AKAP8: variants seen among roughly 807,000 people sequenced by gnomAD.
AKAP8 encodes A-kinase anchor protein 8.
AKAP8 carries 24 observed loss-of-function variants against 67.5 expected under a neutral mutation model. The observed-to-expected ratio is 0.36, with a 90% CI of 0.26 to 0.50. The LOEUF is 0.50. Ranked by LOEUF, AKAP8 falls within the 20% of genes least tolerant of loss-of-function variation. The probability of loss-of-function intolerance (pLI) is 0.97; values close to 1 mark genes in which losing one functional copy is unlikely to be tolerated. For missense variants in AKAP8, 971 were observed against 955.9 expected, an observed-to-expected ratio of 1.02 and a Z score of -0.21; for synonymous variants, 400 against 371.1, an observed-to-expected ratio of 1.08 and a Z score of -0.90.
intron 8 of AKAP8, chr19:15,368,575 C>T: frequency 1.0e-6 from 1 of 985,272 alleles, no homozygotes; most frequent in Non-Finnish European, 1.2e-6. Context: ...AGGGACACAG[C>T]CTGCCCACCC....
At chr19:15,374,095 T>C (rs770854882) in intron 3 of AKAP8, 30 bp from the exon 4 acceptor site, 1 of 1,526,662 alleles carries the variant, frequency 6.6e-7, no homozygotes, top group Non-Finnish European at 8.8e-7. Flanking sequence ...CAAGTCAGAC[T>C]TCAGCAGCCA....
intron 9 of AKAP8, among the ~76,000 whole-genome samples, chr19:15,367,123 T>G (rs1472861622): frequency 1.3e-5 from 2 of 152,170 alleles, no homozygotes; most frequent in Non-Finnish European, 2.9e-5. Flanking sequence ...ACCAGGCTGG[T>G]CTTGAACTCC....
chr19:15,379,285 C>G (rs1050936424), intron 1 of AKAP8: 2 of 171,316 alleles, frequency 1.2e-5, no homozygotes, highest in African/African-American at 2.4e-5. Flanking sequence ...CTCCCCGGGT[C>G]CGACCTCACA....
chr19:15,367,191 C>G (rs1017962680), intron 9 of AKAP8, among the ~76,000 whole-genome samples: 1 of 152,226 alleles, frequency 6.6e-6, no homozygotes, highest in Non-Finnish European at 1.5e-5. Flanking sequence ...CATGTGTGAG[C>G]CACGGCATCT....
At chr19:15,367,506 C>T (rs957452525) in intron 9 of AKAP8, among the ~76,000 whole-genome samples, 2 of 152,008 alleles carry the variant, frequency 1.3e-5, no homozygotes, top group African/African-American at 4.8e-5. Context: ...CCAGCCTGGG[C>T]GACAGAGCAA....
In AKAP8 at chr19:15,373,014, C is replaced by T. The variant is rs779577362; in HGVS notation, c.698G>A (p.Arg233Gln). 9 of 1,574,756 alleles carry T rather than the reference C, an allele frequency of 5.7e-6. No homozygotes were observed. The highest frequency in any genetic ancestry group is 3.6e-5 in the Admixed American group (2 of 56,000). The change falls in exon 5 of 14, where the codon CGG becomes CAG. Residue 233 changes from arginine (R) to glutamine (Q), a missense_variant. Transcript: ENST00000269701. ...PWNELNYVGG[R>Q]GLGGPSPSRP... Reference sequence around the variant, plus strand: ...GCTGGGGGAGGGCCCTCCCAGGCCCCGTCCACCCACGTAGTTCAGCTCGTT... The same window carrying T: ...GCTGGGGGAGGGCCCTCCCAGGCCCTGTCCACCCACGTAGTTCAGCTCGTT...
chr19:15,376,896 G>T, intron 2 of AKAP8, 80 bp downstream of exon 2: 2 of 1,533,936 alleles, frequency 1.3e-6, no homozygotes, highest in South Asian at 1.2e-5. Context: ...ACTCTCCCTT[G>T]ACCCAAGTTC....
At chr19:15,379,577 T>G in intron 1 of AKAP8, 136 bp downstream of exon 1, 1 of 990,024 alleles carries the variant, frequency 1.0e-6, no homozygotes, top group Non-Finnish European at 1.4e-6. Context: ...GCGCGCGCCC[T>G]GGCCGCCTCT....
chr19:15,358,994 T>C lies in AKAP8; in HGVS notation c.1596A>G (p.Ile532Met). The C allele has an allele frequency of 6.2e-7, 1 of 1,614,222 alleles. No homozygotes were observed. The highest frequency in any genetic ancestry group is 8.5e-7 in the Non-Finnish European group (1 of 1,180,030). ...VAKSVLNNRHIVKMLEKYLKG... is the reference protein window; with the variant it reads ...VAKSVLNNRHMVKMLEKYLKG... ...TGAGGTATTTTTCCAGCATCTTCAC[T>C]ATATGTCTGTTGTTCAAAACACTCT... The change falls in exon 13 of 14, where the codon ATA becomes ATG. Residue 532 changes from isoleucine (I) to methionine (M), a missense_variant. By Grantham distance (10) the Ile-to-Met change is conservative. This residue lies in a region of AKAP8 where 763 missense variants were observed against 745.4 expected (regional missense o/e 1.02). Transcript: ENST00000269701.
Position 15,374,035 on chromosome 19 carries a change from T to C in AKAP8, c.122A>G (p.Gln41Arg), listed in dbSNP as rs1211065572. 6.3e-7 allele frequency: 1 copy of C among 1,581,568 alleles called. No homozygotes were observed. The highest frequency in any genetic ancestry group is 1.4e-5 in the African/African-American group (1 of 72,872). ...TGCGCCTGTGGTGACACTGGTGTTC[T>C]GGGCGCCATAGTAATTGTAGTTTTC... is the stretch of plus-strand genomic sequence containing the variant. Reference protein sequence around the residue: ...GYENYNYYGAQNTSVTTGATY... With the variant: ...GYENYNYYGARNTSVTTGATY... The change falls in exon 4 of 14, where the codon CAG becomes CGG. Residue 41 changes from glutamine (Q) to arginine (R), a missense_variant. Gln to Arg is a conservative substitution (Grantham distance 43). Coordinates refer to ENST00000269701, the MANE Select transcript of AKAP8 (RefSeq NM_005858.4).
chr19:15,378,478 G>A (rs1761664733), intron 1 of AKAP8, among the ~76,000 whole-genome samples: 1 of 152,094 alleles, frequency 6.6e-6, no homozygotes, highest in African/African-American at 2.4e-5. Context: ...TGAAAAGAAG[G>A]AATACAATAC....
chr19:15,363,551 G>A (rs1189329723), intron 9 of AKAP8, among the ~76,000 whole-genome samples: 2 of 148,832 alleles, frequency 1.3e-5, no homozygotes, highest in Admixed American at 6.6e-5. Context: ...CAGCCCCCTC[G>A]CCCAGCCAGC....
intron 7 of AKAP8, among the ~76,000 whole-genome samples, chr19:15,371,328 G>A (rs952815888): frequency 6.6e-6 from 1 of 152,150 alleles, no homozygotes; most frequent in African/African-American, 2.4e-5. Flanking sequence ...ATGGAAGGAT[G>A]AGGACACCAG....
chr19:15,354,850 A>G lies in AKAP8; in HGVS notation c.*65T>C. On this transcript the variant is annotated 3_prime_UTR_variant, in exon 14 of 14. Coordinates refer to ENST00000269701, the MANE Select transcript of AKAP8 (RefSeq NM_005858.4). The stretch of plus-strand genomic sequence containing the variant: ...AGCACACGCCCTTGTACTGCTTACA[A>G]ACCAAGGGAGAAAGACCAACGCATC... The G allele has an allele frequency of 6.4e-7, 1 of 1,573,338 alleles. No individual in the cohort carries two copies. Among genetic ancestry groups the G allele is most frequent in the Non-Finnish European group, 8.7e-7 (1 of 1,155,774 alleles).
rs138130661 is a variant in AKAP8, at chr19:15,362,388, C to T, written c.1161-137G>A. On this transcript the variant is annotated intron_variant, in intron 9 of 13. Transcript: ENST00000269701. ...CCCCCTCCCCCTCTCCCTCTCCCCA[C>T]GGTCTCCCTCTGATGCCGAGCCGAA... 3.8e-3 allele frequency: 1,671 copies of T among 440,142 alleles called. 66 individuals carry two copies. Among genetic ancestry groups the T allele is most frequent in the African/African-American group, 0.024 (880 of 36,258 alleles). 27.3% of individuals were successfully genotyped at this position (440,142 alleles called of 1,614,324 possible). A position where few individuals can be genotyped will look rare whatever the true frequency, so the allele number is the denominator to read the frequency against.
At chr19:15,355,591 T>C (rs950079451) in intron 13 of AKAP8, among the ~76,000 whole-genome samples, 2 of 151,788 alleles carry the variant, frequency 1.3e-5, no homozygotes, top group African/African-American at 2.4e-5. Flanking sequence ...GGAGTCTCGC[T>C]GTTGCCCAGG....
At chr19:15,361,371 GA>G in intron 11 of AKAP8, 1 of 162,418 alleles carries the variant, frequency 6.2e-6, no homozygotes, top group South Asian at 1.1e-4. Context: ...TTTTTTTTGA[GA>G]CAGAGTCTTG....
chr19:15,375,108 G>T lies in AKAP8; in HGVS notation c.59-473C>A, dbSNP rs552751944. On this transcript the variant is annotated intron_variant, in intron 2 of 13. Transcript: ENST00000269701. ...TTGGAAGGCCTCCTCCTGAAACACC[G>T]GGTGGTGGCTCAAAAGCAGCCCCAC... 2.6e-5 allele frequency among the ~76,000 whole-genome samples: 4 copies of T among 152,290 alleles called. No homozygotes were observed. The South Asian group carries it at 6.2e-4, about 24-fold the overall frequency.
rs539986783 is a variant in AKAP8 at position 15,374,177 on chromosome 19, A to G, written c.92-112T>C. 7.9e-5 allele frequency: 101 copies of G among 1,276,310 alleles called. No individual in the cohort carries two copies. The South Asian group carries it at 1.5e-3, about 19-fold the overall frequency. The allele number at this position is 1,276,310 out of a possible 1,614,324, so 79.1% of individuals were successfully genotyped here. A position where few individuals can be genotyped will look rare whatever the true frequency, so the allele number is the denominator to read the frequency against. Reference sequence around the variant, plus strand: ...CACGGAGAAGGAAAACGGGTGTGGGACCCAGTGCTGCTGGCATCACTTCAC... The same window carrying G: ...CACGGAGAAGGAAAACGGGTGTGGGGCCCAGTGCTGCTGGCATCACTTCAC... On this transcript the variant is annotated intron_variant, in intron 3 of 13. Transcript: ENST00000269701.
Sources: allele counts gnomAD v4.1 joint callset (sites outside exome capture counted in the v4.1 genomes callset), GRCh38; gene constraint gnomAD v4.1.1; regional missense constraint gnomAD v4.1.1; transcripts MANE v1.5; gene names NCBI Gene and HGNC (gene_info 2026-07-23, HGNC 2026-07-21).